MMP21: variants seen among roughly 807,000 people sequenced by gnomAD.
The protein encoded by MMP21 is matrix metallopeptidase 21, also known as matrix metalloproteinase-21.
In MMP21, 40 loss-of-function variants were observed where a neutral mutation model predicts 47.8. That is an observed-to-expected ratio of 0.84 (90% CI 0.65 to 1.09). The LOEUF (loss-of-function observed/expected upper bound fraction) is 1.09, where lower values mean the gene tolerates loss of function less well. MMP21 is among the 50% of genes least tolerant of loss of function. MMP21 has a pLI of 0.00. For synonymous variants in MMP21, 341 were observed against 318.0 expected (o/e 1.07, Z -0.77); for missense variants, 747 against 775.3 (o/e 0.96, Z 0.43).
chr10:125,770,567 G>T lies in MMP21; in HGVS notation c.1004C>A (p.Thr335Asn). ...CTCTTTGCGAATCCAGTCAAACGCA[G>T]TATCAAATGATCCCTCACAGGAGCC... ...LYGSCEGSFD[T>N]AFDWIRKERN... The change falls in exon 5 of 7, where the codon ACT (threonine) becomes AAT (asparagine). Residue 335 changes from threonine (T) to asparagine (N), a missense_variant. By Grantham distance (65) the Thr-to-Asn change is moderately conservative. Coordinates refer to ENST00000368808, the MANE Select transcript of MMP21 (RefSeq NM_147191.1). The T allele has an allele frequency of 6.2e-7, 1 of 1,614,100 alleles. No homozygotes were observed. The highest frequency in any genetic ancestry group is 8.5e-7 in the Non-Finnish European group (1 of 1,180,004).
In MMP21 at chr10:125,772,771, T is replaced by C; in HGVS notation, c.698-21A>G. On this transcript the variant is annotated intron_variant, in intron 2 of 6. Coordinates refer to ENST00000368808, the MANE Select transcript of MMP21 (RefSeq NM_147191.1). This position sits in a 1 kb window ranked among gnomAD's most constrained non-coding sequence, Gnocchi z 5.6. ...CCGGCCTGGCGAGGGGGAGGAGGAG[T>C]TGGTCCCGGTGAAGGATGAGTGCCC... 1.2e-6 allele frequency: 2 copies of C among 1,607,832 alleles called. No homozygotes were observed. Among genetic ancestry groups the C allele is most frequent in the Non-Finnish European group, 1.7e-6 (2 of 1,177,288 alleles).
At chr10:125,767,818 C>A (rs1589891469) in intron 5 of MMP21, 114 bp from the exon 6 acceptor site, 1 of 1,109,748 alleles carries the variant, frequency 9.0e-7, no homozygotes, top group Non-Finnish European at 1.3e-6. Context: ...TGCCATGATT[C>A]TAGGAGAAAA....
At position 125,772,576 on chromosome 10, in the gene MMP21, G is replaced by T. The variant is rs1183077313; in HGVS notation, c.837+35C>A. 5 of 1,613,516 alleles carry T rather than the reference G, an allele frequency of 3.1e-6. No individual in the cohort carries two copies. The highest frequency in any genetic ancestry group is 4.5e-5 in the East Asian group (2 of 44,860). On this transcript the variant is annotated intron_variant, in intron 3 of 6. Transcript: ENST00000368808. The surrounding 1 kb of genome is among the most constrained non-coding windows in gnomAD (Gnocchi z 5.6). The stretch of plus-strand genomic sequence containing the variant: ...GGACGTCAGCCCATGAGCACTGCTG[G>T]TGTCTTATCAACACAGTGGCTCAGG...
Position 125,772,483 on chromosome 10 carries a change from G to A in MMP21, c.838-124C>T. ...GAAGAGGGGAGCACCGGTGGAACTG[G>A]GGAGCCATTCCACGGATTCACCTCC... is the stretch of plus-strand genomic sequence containing the variant. On this transcript the variant is annotated intron_variant, in intron 3 of 6. Coordinates refer to ENST00000368808, the MANE Select transcript of MMP21 (RefSeq NM_147191.1). This position sits in a 1 kb window ranked among gnomAD's most constrained non-coding sequence, Gnocchi z 5.6. 6.4e-7 allele frequency: 1 copy of A among 1,560,040 alleles called. No homozygotes were observed. Among genetic ancestry groups the A allele is most frequent in the Admixed American group, 1.7e-5 (1 of 58,858 alleles).
chr10:125,775,624 C>G (rs1435768430), intron 1 of MMP21, 36 bp downstream of exon 1: 1 of 1,572,886 alleles, frequency 6.4e-7, no homozygotes, highest in Non-Finnish European at 8.6e-7. Flanking sequence ...CGTGCACGGG[C>G]CTGGGGGTAT....
chr10:125,773,801 G>C lies in MMP21; in HGVS notation c.697+30C>G, dbSNP rs1277662868. On this transcript the variant is annotated intron_variant, in intron 2 of 6. Transcript: ENST00000368808. The surrounding 1 kb of genome is among the most constrained non-coding windows in gnomAD (Gnocchi z 4.8). Reference sequence around the variant, plus strand: ...GCCGGGGTCCCCGAGGGGCTGGGTCGGGCAGGCAGGGAGCCCGGGGTGCTC... The same window carrying C: ...GCCGGGGTCCCCGAGGGGCTGGGTCCGGCAGGCAGGGAGCCCGGGGTGCTC... 6.8e-7 allele frequency: 1 copy of C among 1,471,148 alleles called. No individual in the cohort carries two copies. Among genetic ancestry groups the C allele is most frequent in the South Asian group, 1.4e-5 (1 of 73,046 alleles). 91.1% of individuals were successfully genotyped at this position (1,471,148 alleles called of 1,614,324 possible).
intron 4 of MMP21, among the ~76,000 whole-genome samples, chr10:125,771,012 A>T (rs1216027709): frequency 6.6e-6 from 1 of 152,036 alleles, no homozygotes; most frequent in East Asian, 1.9e-4. Context: ...CTTGGGCGAT[A>T]GAGTGAGACC....
In MMP21 at chr10:125,766,735, A is replaced by T. The variant is rs1850390412; in HGVS notation, c.1637T>A (p.Leu546Ter). 2.5e-6 allele frequency: 4 copies of T among 1,613,894 alleles called. No individual in the cohort carries two copies. The highest frequency in any genetic ancestry group is 3.4e-6 in the Non-Finnish European group (4 of 1,179,970). Residue 546 changes from leucine to a stop codon, truncating the protein, a stop_gained, in exon 7 of 7, where the codon TTA becomes TAA. Coordinates refer to ENST00000368808, the MANE Select transcript of MMP21 (RefSeq NM_147191.1). LOFTEE classifies it high-confidence loss of function. ...QQNSWLPANG[L>*]FPKKFISEKW... ...CTCTGAAATAAACTTTTTTGGAAAT[A>T]AGCCATTAGCAGGAAGCCAGGAATT...
rs144786801 is a variant in MMP21 at position 125,771,623 on chromosome 10, C to T, written c.979+595G>A. Among the ~76,000 whole-genome samples, 6 of 152,206 alleles carry T rather than the reference C, an allele frequency of 3.9e-5. No homozygotes were observed. The East Asian group carries it at 7.7e-4, about 20-fold the overall frequency. ...TTCAACATGTTGGCCAGGCTGGTCTCGAACTTCTGACATCAAGAATCCGCC... is the reference window on the plus strand; with the variant it reads ...TTCAACATGTTGGCCAGGCTGGTCTTGAACTTCTGACATCAAGAATCCGCC... On this transcript the variant is annotated intron_variant, in intron 4 of 6. Coordinates refer to ENST00000368808, the MANE Select transcript of MMP21 (RefSeq NM_147191.1).
At chr10:125,766,983 C>T in intron 6 of MMP21, 22 bp from the exon 7 acceptor site, 1 of 1,525,704 alleles carries the variant, frequency 6.6e-7, no homozygotes. Flanking sequence ...ATAAGATAGA[C>T]TGGCTCTTCT....
rs28381319 is a variant in MMP21, at chr10:125,767,581, G to A, written c.1361C>T (p.Ala454Val). ...TAACTTCTGTCTTCGGTCATAAAAC[G>A]CCGTGTCTAGGGGACTTGGGATGCC... The part of the protein sequence containing the change: ...FPGIPSPLDT[A>V]FYDRRQKLIY... Residue 454 changes from alanine to valine, a missense_variant, in exon 6 of 7, where the codon GCG becomes GTG. Transcript: ENST00000368808. 4.9e-3 allele frequency: 7,849 copies of A among 1,614,104 alleles called. 322 individuals carry two copies. The African/African-American group carries it at 0.088, about 18-fold the overall frequency.
Position 125,772,446 on chromosome 10 carries a change from A to C in MMP21, c.838-87T>G. ...AGACGCAGGCCTGTGCTTCGAGAGG[A>C]GCGTTGCTTGTGAAGAGGGGAGCAC... On this transcript the variant is annotated intron_variant, in intron 3 of 6. Transcript: ENST00000368808. This position sits in a 1 kb window ranked among gnomAD's most constrained non-coding sequence, Gnocchi z 5.6. The C allele has an allele frequency of 6.3e-7, 1 of 1,585,880 alleles. No homozygotes were observed. The highest frequency in any genetic ancestry group is 1.1e-5 in the South Asian group (1 of 87,798).
rs551880134 is a variant in MMP21 at position 125,772,793 on chromosome 10, G to GC, written c.698-44dup. On this transcript the variant is annotated intron_variant, in intron 2 of 6. Coordinates refer to ENST00000368808, the MANE Select transcript of MMP21 (RefSeq NM_147191.1). This position sits in a 1 kb window ranked among gnomAD's most constrained non-coding sequence, Gnocchi z 5.6. ...GAGTTGGTCCCGGTGAAGGATGAGT[G>GC]CCCCCCATACAGACTCCTCACCTAG... 279 of 1,603,078 alleles carry GC rather than the reference G, an allele frequency of 1.7e-4. 6 individuals carry two copies. In the East Asian group the frequency reaches 2.2e-3, roughly 13 times the overall value.
chr10:125,771,651 C>T (rs1850447562), intron 4 of MMP21, among the ~76,000 whole-genome samples: 1 of 152,192 alleles, frequency 6.6e-6, no homozygotes, highest in African/African-American at 2.4e-5. Flanking sequence ...AATCCGCCCA[C>T]CTTGGCCTCC....
intron 1 of MMP21, 130 bp from the exon 2 acceptor site, chr10:125,774,495 CAGGG>C: frequency 1.9e-6 from 1 of 524,574 alleles, no homozygotes; most frequent in Non-Finnish European, 3.0e-6. Flanking sequence ...GAGAGACAGA[CAGGG>C]AGAAACAGAT....
At position 125,773,843 on chromosome 10, in the gene MMP21, CCAGCTTGATGTCGA is replaced by C. The variant is rs1850480304; in HGVS notation, c.671_684del (p.Val224GlyfsTer29). The C allele has an allele frequency of 1.4e-5, 22 of 1,555,482 alleles. No homozygotes were observed. The highest frequency in any genetic ancestry group is 1.9e-5 in the Non-Finnish European group (22 of 1,158,126). On this transcript the variant is annotated frameshift_variant, in exon 2 of 7. Transcript: ENST00000368808. LOFTEE classifies it high-confidence loss of function. The surrounding 1 kb of genome is among the most constrained non-coding windows in gnomAD (Gnocchi z 4.8). ...GGGGTGCTCTTACCTCTCCCAAAGC[CCAGCTTGATGTCGA>C]CCGCGGCCCCGGGGGCGGCCAGGTC...
intron 6 of MMP21, among the ~76,000 whole-genome samples, chr10:125,767,212 G>A (rs554350842): frequency 1.3e-5 from 2 of 151,988 alleles, no homozygotes; most frequent in Non-Finnish European, 2.9e-5. Flanking sequence ...ACAGCTCACT[G>A]CAGCCTCAAC....
chr10:125,774,147 G>A lies in MMP21; in HGVS notation c.381C>T (p.Pro127=), dbSNP rs893001450. Residue 127 remains proline, a synonymous_variant, in exon 2 of 7, where the codon CCC becomes CCT. Coordinates refer to ENST00000368808, the MANE Select transcript of MMP21 (RefSeq NM_147191.1). ...CGVPDMRPPP[P]SAPPSPPGPP... is the part of the protein sequence containing the mutation. ...GGCCCGGGGGCGAAGGCGGGGCGGA[G>A]GGGGGCGGTGGGCGCATGTCCGGGA... The A allele has an allele frequency of 3.1e-6, 4 of 1,278,542 alleles. No individual in the cohort carries two copies. The highest frequency in any genetic ancestry group is 3.9e-6 in the Non-Finnish European group (4 of 1,016,732). 79.2% of individuals were successfully genotyped at this position (1,278,542 alleles called of 1,614,324 possible).
At chr10:125,774,696 C>T (rs1285588412) in intron 1 of MMP21, among the ~76,000 whole-genome samples, 4 of 152,162 alleles carry the variant, frequency 2.6e-5, no homozygotes, top group African/African-American at 9.6e-5. Flanking sequence ...AGCAGGAGAC[C>T]TGGGCAGCGG....
Sources: gnomAD v4.1 joint callset for allele counts (sites outside exome capture counted in the v4.1 genomes callset) on GRCh38, gnomAD v4.1.1 for gene constraint, Gnocchi (gnomAD v3.1) non-coding constraint, MANE v1.5 for transcripts, NCBI Gene and HGNC (gene_info 2026-07-23, HGNC 2026-07-21) for gene names.